ADGRB3: variants seen among roughly 807,000 people sequenced by gnomAD.
The protein encoded by ADGRB3 is adhesion G protein-coupled receptor B3.
In ADGRB3, 37 loss-of-function variants were observed where a neutral mutation model predicts 193.4. That is an observed-to-expected ratio of 0.19 (90% CI 0.15 to 0.25). The LOEUF is 0.25. Ranked by LOEUF, ADGRB3 falls within the 10% of genes least tolerant of loss-of-function variation. ADGRB3 has a pLI of 1.00. For synonymous variants in ADGRB3, 690 were observed against 644.2 expected, an observed-to-expected ratio of 1.07 and a Z score of -1.08; for missense variants, 1,637 against 1,852.9, an observed-to-expected ratio of 0.88 and a Z score of 2.14.
At chr6:68,971,062 G>C (rs964693879) in intron 8 of ADGRB3, among the ~76,000 whole-genome samples, 3 of 152,144 alleles carry the variant, frequency 2.0e-5, no homozygotes, top group African/African-American at 7.2e-5. Context: ...TCAGAAACTG[G>C]CTACGCCAGC....
At chr6:69,205,236 G>A (rs979362473) in intron 17 of ADGRB3, among the ~76,000 whole-genome samples, 3 of 151,994 alleles carry the variant, frequency 2.0e-5, no homozygotes, top group Non-Finnish European at 2.9e-5. Flanking sequence ...TTCACCTGGG[G>A]TCCTCATTGC....
chr6:69,017,940 ATATT>A (rs2150286987), intron 12 of ADGRB3, among the ~76,000 whole-genome samples: 1 of 152,018 alleles, frequency 6.6e-6, no homozygotes, highest in East Asian at 1.9e-4. Context: ...TTCTCTGAAG[ATATT>A]TATTATTATG....
At chr6:69,071,241 C>T (rs1334961140) in intron 16 of ADGRB3, among the ~76,000 whole-genome samples, 1 of 152,068 alleles carries the variant, frequency 6.6e-6, no homozygotes, top group Admixed American at 6.6e-5. Flanking sequence ...CTTAAAAAGA[C>T]TTAGAAGAGA....
At chr6:68,855,621 T>G (rs1562058392) in intron 3 of ADGRB3, among the ~76,000 whole-genome samples, 1 of 152,166 alleles carries the variant, frequency 6.6e-6, no homozygotes, top group Non-Finnish European at 1.5e-5. Context: ...TAACACATGT[T>G]AGATGATTAA....
intron 17 of ADGRB3, among the ~76,000 whole-genome samples, chr6:69,171,238 C>T (rs1463753017): frequency 6.6e-6 from 1 of 152,116 alleles, no homozygotes; most frequent in Admixed American, 6.5e-5. Context: ...CCACATATGG[C>T]TAATGACTTC....
intron 13 of ADGRB3, among the ~76,000 whole-genome samples, chr6:69,027,984 A>G (rs1470192851): frequency 6.6e-6 from 1 of 152,170 alleles, no homozygotes; most frequent in Non-Finnish European, 1.5e-5. Context: ...AAAATATGTT[A>G]TCCTTCCTAA....
At chr6:69,067,453 T>C (rs1771941978) in intron 16 of ADGRB3, among the ~76,000 whole-genome samples, 1 of 152,146 alleles carries the variant, frequency 6.6e-6, no homozygotes, top group Non-Finnish European at 1.5e-5. Context: ...AATATGCTTG[T>C]TATCATTAGA....
chr6:69,095,717 G>A (rs1232537445), intron 17 of ADGRB3, among the ~76,000 whole-genome samples: 1 of 152,152 alleles, frequency 6.6e-6, no homozygotes. Flanking sequence ...TAATCACAAA[G>A]TGGTTTTCAG....
chr6:68,670,913 T>C (rs1768939267), intron 3 of ADGRB3, among the ~76,000 whole-genome samples: 2 of 152,080 alleles, frequency 1.3e-5, no homozygotes, highest in Admixed American at 1.3e-4. Flanking sequence ...TTCAATTTTT[T>C]TGGTGTCCTC....
At chr6:68,883,628 G>T (rs185592814) in intron 3 of ADGRB3, among the ~76,000 whole-genome samples, 90 of 152,060 alleles carry the variant, frequency 5.9e-4, no homozygotes, top group African/African-American at 2.1e-3. Flanking sequence ...CAGAGGCACT[G>T]CCTTAAAAGC....
At chr6:68,718,242 G>T (rs1180495841) in intron 3 of ADGRB3, among the ~76,000 whole-genome samples, 1 of 151,688 alleles carries the variant, frequency 6.6e-6, no homozygotes, top group East Asian at 1.9e-4. Flanking sequence ...TCATAACAAT[G>T]TTTGCTCAAA....
At chr6:69,105,625 A>G (rs1456163554) in intron 17 of ADGRB3, among the ~76,000 whole-genome samples, 1 of 152,158 alleles carries the variant, frequency 6.6e-6, no homozygotes. Flanking sequence ...GCTTCTCAAT[A>G]CTATTGCTTC....
At position 69,031,110 on chromosome 6, in the gene ADGRB3, T is replaced by TCTCCG. The variant is rs1298558031; in HGVS notation, c.2107+12613_2107+12614insCCGCT. 2.5e-3 allele frequency among the ~76,000 whole-genome samples: 196 copies of TCTCCG among 77,000 alleles called. 10 individuals are homozygous for TCTCCG. The highest frequency in any genetic ancestry group is 8.8e-3 in the African/African-American group (175 of 19,946). 50.5% of individuals were successfully genotyped at this position (77,000 alleles called of 152,430 possible). A position where few individuals can be genotyped will look rare whatever the true frequency, so the allele number is the denominator to read the frequency against. On this transcript the variant is annotated intron_variant, in intron 13 of 31. Coordinates refer to ENST00000370598, the MANE Select transcript of ADGRB3 (RefSeq NM_001704.3). Reference sequence around the variant, plus strand: ...TCTTCTCTTCTCTTCTCTTCTCTTCTCTTCTCTCTCTTCTCTCTGTCTCTC... The same window carrying TCTCCG: ...TCTTCTCTTCTCTTCTCTTCTCTTCTCTCCGCTTCTCTCTCTTCTCTCTGTCTCTC...
intron 17 of ADGRB3, 179 bp from the exon 18 acceptor site, chr6:69,233,111 C>G (rs757020579): frequency 3.4e-6 from 3 of 885,824 alleles, no homozygotes; most frequent in African/African-American, 3.4e-5. Flanking sequence ...TTCCCACTCT[C>G]GCTTTGCATT....
At chr6:69,355,980 A>G (rs1769329903) in intron 28 of ADGRB3, 120 bp downstream of exon 28, 1 of 804,562 alleles carries the variant, frequency 1.2e-6, no homozygotes, top group Non-Finnish European at 1.9e-6. Context: ...AAAGGGCTGT[A>G]TATGTAAAGC....
intron 13 of ADGRB3, among the ~76,000 whole-genome samples, chr6:69,027,963 T>G (rs1284570491): frequency 6.6e-6 from 1 of 152,220 alleles, no homozygotes; most frequent in African/African-American, 2.4e-5. Flanking sequence ...CAGTCTTATT[T>G]TGGCTTTTTA....
intron 20 of ADGRB3, among the ~76,000 whole-genome samples, chr6:69,243,153 C>G (rs1766419189): frequency 6.6e-6 from 1 of 151,782 alleles, no homozygotes; most frequent in South Asian, 2.1e-4. Context: ...AGGATAACCA[C>G]CCAAGAAGTT....
rs922744408 is a variant in ADGRB3 at position 69,388,803 on chromosome 6, A to T, written c.4481A>T (p.Asp1494Val). Residue 1494 changes from aspartate (D) to valine (V), a missense_variant, in exon 32 of 32, where the codon GAT (aspartate) becomes GTT (valine). By Grantham distance (152) the Asp-to-Val change is radical (BLOSUM62 -3). This residue lies in a region of ADGRB3 where 368 missense variants were observed against 367.4 expected (regional missense o/e 1.00). Coordinates refer to ENST00000370598, the MANE Select transcript of ADGRB3 (RefSeq NM_001704.3). Reference protein sequence around the residue: ...TINVLDTEAKDALELRPAEWE... With the variant: ...TINVLDTEAKVALELRPAEWE... ...AATGTCTTAGACACAGAGGCAAAGG[A>T]TGCTTTGGAACTGAGGCCAGCAGAG... 1 of 1,613,452 alleles carries T rather than the reference A, an allele frequency of 6.2e-7. No individual in the cohort carries two copies. The highest frequency in any genetic ancestry group is 1.3e-5 in the African/African-American group (1 of 74,890).
intron 24 of ADGRB3, among the ~76,000 whole-genome samples, chr6:69,333,778 A>T (rs2127315512): frequency 6.6e-6 from 1 of 150,886 alleles, no homozygotes; most frequent in Middle Eastern, 3.4e-3. Context: ...AAATGCAAAA[A>T]AATTAGCCGG....
Sources: allele counts gnomAD v4.1 joint callset (sites outside exome capture counted in the v4.1 genomes callset), GRCh38; gene constraint gnomAD v4.1.1; regional missense constraint gnomAD v4.1.1; transcripts MANE v1.5; gene names NCBI Gene and HGNC (gene_info 2026-07-23, HGNC 2026-07-21).